KLHL32: variants seen among roughly 807,000 people sequenced by gnomAD.
The protein encoded by KLHL32 is kelch like family member 32, also known as kelch-like protein 32.
A neutral mutation model predicts 64.8 loss-of-function variants in KLHL32; 35 were observed. The observed-to-expected ratio is 0.54, with a 90% CI of 0.41 to 0.72. KLHL32 has a LOEUF of 0.72. Ranked by LOEUF, KLHL32 falls within the 30% of genes least tolerant of loss-of-function variation. The pLI is 0.00. For synonymous variants in KLHL32, 259 were observed against 281.0 expected (o/e 0.92, Z 0.78); for missense variants, 589 against 768.5 (o/e 0.77, Z 2.76).
In KLHL32 at chr6:97,139,483, G is replaced by C. The variant is rs1800451181; in HGVS notation, c.*201G>C. ...CTCAGTGTATGTCAACATTCAATAT[G>C]TATGACTTTTATTGTGGTATAGCTT... is the stretch of plus-strand genomic sequence containing the variant. On this transcript the variant is annotated 3_prime_UTR_variant, in exon 11 of 11. Transcript: ENST00000369261. The C allele has an allele frequency of 3.7e-6, 2 of 544,594 alleles. No homozygotes were observed. Among genetic ancestry groups the C allele is most frequent in the Non-Finnish European group, 6.5e-6 (2 of 307,888 alleles). 33.7% of individuals were successfully genotyped at this position (544,594 alleles called of 1,614,324 possible).
At chr6:96,991,605 G>A (rs572660194) in intron 3 of KLHL32, among the ~76,000 whole-genome samples, 3 of 152,248 alleles carry the variant, frequency 2.0e-5, no homozygotes, top group South Asian at 4.1e-4. Flanking sequence ...CCATTGAGGG[G>A]TAGCAGGGTG....
rs751669564 is a variant in KLHL32 at position 96,976,122 on chromosome 6, A to G, written c.149A>G (p.Glu50Gly). The G allele has an allele frequency of 6.2e-7, 1 of 1,607,588 alleles. No individual in the cohort carries two copies. The highest frequency in any genetic ancestry group is 8.5e-7 in the Non-Finnish European group (1 of 1,175,284). ...TGCGACATCACCCTGATTGCTGAGG[A>G]ACAGAAATTCCATGCTCACAAGGCA... ...ILCDITLIAE[E>G]QKFHAHKAVL... The change falls in exon 3 of 11, where the codon GAA (glutamate) becomes GGA (glycine). Residue 50 changes from glutamate (E) to glycine (G), a missense_variant. This residue lies in a region of KLHL32 where 191 missense variants were observed against 223.3 expected (regional missense o/e 0.86). Transcript: ENST00000369261.
upstream of KLHL32, among the ~76,000 whole-genome samples, chr6:96,923,590 T>C (rs987693337): frequency 2.6e-5 from 4 of 152,088 alleles, no homozygotes; most frequent in African/African-American, 9.7e-5. Flanking sequence ...ATCCTGTGGA[T>C]CTAGAAGTAG....
At chr6:97,083,769 A>G (rs1425174096) in intron 5 of KLHL32, among the ~76,000 whole-genome samples, 1 of 152,216 alleles carries the variant, frequency 6.6e-6, no homozygotes, top group Non-Finnish European at 1.5e-5. Flanking sequence ...CACTCTTTCT[A>G]TAACAGCAGT....
intron 3 of KLHL32, among the ~76,000 whole-genome samples, chr6:97,039,351 CAT>C (rs1784775400): frequency 6.6e-6 from 1 of 151,938 alleles, no homozygotes; most frequent in South Asian, 2.1e-4. Flanking sequence ...CTCATGAAGA[CAT>C]AGAGTAGATT....
At chr6:96,925,482 G>C (rs931960783) in intron 1 of KLHL32, among the ~76,000 whole-genome samples, 1 of 152,118 alleles carries the variant, frequency 6.6e-6, no homozygotes, top group African/African-American at 2.4e-5. Flanking sequence ...AAAAGGATTC[G>C]TCAGATGAAT....
chr6:96,910,333 G>A, the KLHL32 span, among the ~76,000 whole-genome samples: 1 of 152,160 alleles, frequency 6.6e-6, no homozygotes, highest in African/African-American at 2.4e-5. Context: ...GGCTATGTCA[G>A]AGAGGACACA....
At chr6:96,994,402 A>C (rs1778205327) in intron 3 of KLHL32, 2 of 664,098 alleles carry the variant, frequency 3.0e-6, no homozygotes, top group South Asian at 1.4e-4. Context: ...AAATAAAACT[A>C]TACAAATTAT....
rs1797891849 is a variant in KLHL32, at chr6:97,117,266, G to A, written c.1354+2757G>A. Among the ~76,000 whole-genome samples the A allele has an allele frequency of 2.0e-5, 3 of 152,172 alleles. No individual in the cohort carries two copies. In the South Asian group the frequency reaches 6.2e-4, roughly 31 times the overall value. On this transcript the variant is annotated intron_variant, in intron 7 of 10. Transcript: ENST00000369261. The stretch of plus-strand genomic sequence containing the variant: ...GAGGCTATTCCTTATCCTTTACCAA[G>A]TAATCATGTATTTCCAATTTAATTG...
chr6:96,977,861 A>C (rs1199012588), intron 3 of KLHL32, among the ~76,000 whole-genome samples: 1 of 152,224 alleles, frequency 6.6e-6, no homozygotes, highest in Non-Finnish European at 1.5e-5. Flanking sequence ...AATAAAAAGT[A>C]GGGATTTAAT....
intron 3 of KLHL32, among the ~76,000 whole-genome samples, chr6:97,019,946 A>ATTTT (rs59828741): frequency 0.011 from 1,245 of 115,052 alleles, 33 homozygotes; most frequent in African/African-American, 0.04. Flanking sequence ...CTCCCGGCGA[A>ATTTT]TTTTTTTTTT....
At chr6:96,935,064 G>A (rs1479802484) in intron 1 of KLHL32, among the ~76,000 whole-genome samples, 1 of 152,186 alleles carries the variant, frequency 6.6e-6, no homozygotes, top group African/African-American at 2.4e-5. Context: ...CTTGCCATTA[G>A]ACAACTTGGA....
rs566031915 is a variant in KLHL32 at position 97,083,263 on chromosome 6, G to A, written c.412-1863G>A. On this transcript the variant is annotated intron_variant, in intron 5 of 10. Coordinates refer to ENST00000369261, the MANE Select transcript of KLHL32 (RefSeq NM_052904.4). ...AAATTAGCTGGGTGCGATGGCACGC[G>A]CCTGTGGTCCCAGCTGCTCGGGAGG... Among the ~76,000 whole-genome samples, 22 of 152,254 alleles carry A rather than the reference G, an allele frequency of 1.4e-4. No individual in the cohort carries two copies. In the South Asian group the frequency reaches 2.7e-3, roughly 19 times the overall value.
intron 10 of KLHL32, among the ~76,000 whole-genome samples, chr6:97,135,315 T>TA (rs1799876613): frequency 8.6e-6 from 1 of 116,906 alleles, no homozygotes; most frequent in Non-Finnish European, 1.9e-5. Context: ...TTTTTTTTTT[T>TA]TTTTTTTCCT....
chr6:97,086,769 T>A (rs1793477648), intron 6 of KLHL32, among the ~76,000 whole-genome samples: 1 of 152,250 alleles, frequency 6.6e-6, no homozygotes, highest in South Asian at 2.1e-4. Context: ...ATTTCAATTA[T>A]CTCTGGCTCT....
intron 2 of KLHL32, among the ~76,000 whole-genome samples, chr6:96,971,403 T>C (rs1775087451): frequency 6.6e-6 from 1 of 152,360 alleles, no homozygotes; most frequent in African/African-American, 2.4e-5. Context: ...TGATTCAGTC[T>C]GAGTAGGGAA....
chr6:97,083,948 C>A (rs748521886), intron 5 of KLHL32, among the ~76,000 whole-genome samples: 66 of 151,970 alleles, frequency 4.3e-4, no homozygotes, highest in Non-Finnish European at 8.8e-4. Context: ...TTGCTTAAGA[C>A]TCACAAAGCC....
chr6:97,096,507 A>G (rs961603615), intron 6 of KLHL32, among the ~76,000 whole-genome samples: 2 of 152,246 alleles, frequency 1.3e-5, no homozygotes, highest in African/African-American at 4.8e-5. Flanking sequence ...ATAGTTTGTT[A>G]ACAGAAGCAG....
intron 1 of KLHL32, among the ~76,000 whole-genome samples, chr6:96,951,088 A>G (rs990472389): frequency 6.6e-6 from 1 of 152,196 alleles, no homozygotes; most frequent in Non-Finnish European, 1.5e-5. Flanking sequence ...TAAAGTGGTT[A>G]AATAGAAATT....
Sources: allele counts gnomAD v4.1 joint callset (sites outside exome capture counted in the v4.1 genomes callset), GRCh38; gene constraint gnomAD v4.1.1; regional missense constraint gnomAD v4.1.1; transcripts MANE v1.5; gene names NCBI Gene and HGNC (gene_info 2026-07-23, HGNC 2026-07-21).